Variants in OPCML observed in about 807,000 individuals in gnomAD.
The protein encoded by OPCML is opioid-binding protein/cell adhesion molecule.
A neutral mutation model predicts 37.8 loss-of-function variants in OPCML; 13 were observed. The ratio of observed to expected loss-of-function variants is 0.34; its 90% CI spans 0.22 to 0.55. The LOEUF is 0.55. Among genes scored for constraint, OPCML ranks in the 20% least tolerant of loss-of-function variants. The probability of loss-of-function intolerance (pLI) is 0.91; values close to 1 mark genes in which losing one functional copy is unlikely to be tolerated. For missense variants in OPCML, 341 were observed against 435.6 expected (o/e 0.78, Z 1.93); for synonymous variants, 176 against 168.8 (o/e 1.04, Z -0.33).
intron 4 of OPCML, among the ~76,000 whole-genome samples, chr11:132,442,498 T>C (rs2096039480): frequency 6.6e-6 from 1 of 152,246 alleles, no homozygotes; most frequent in Non-Finnish European, 1.5e-5. Flanking sequence ...TCAAAGATTT[T>C]AGCCTTCCAC....
chr11:132,836,831 G>A (rs1941027346), intron 2 of OPCML, among the ~76,000 whole-genome samples: 2 of 152,150 alleles, frequency 1.3e-5, no homozygotes, highest in South Asian at 4.1e-4. Flanking sequence ...GTGGTGCTGT[G>A]AGTGTCGGGC....
intron 1 of OPCML, among the ~76,000 whole-genome samples, chr11:133,277,079 C>G (rs1024680168): frequency 6.6e-6 from 1 of 152,164 alleles, no homozygotes; most frequent in Non-Finnish European, 1.5e-5. Context: ...CTGCAACATG[C>G]TCAGAATCCT....
intron 1 of OPCML, among the ~76,000 whole-genome samples, chr11:133,390,646 G>T (rs1161537014): frequency 1.3e-5 from 2 of 152,140 alleles, no homozygotes; most frequent in African/African-American, 2.4e-5. Context: ...TCCTGGAAGA[G>T]GTGGGGCCTT....
intron 2 of OPCML, among the ~76,000 whole-genome samples, chr11:132,867,386 G>T (rs1368035676): frequency 6.6e-6 from 1 of 152,134 alleles, no homozygotes; most frequent in Non-Finnish European, 1.5e-5. Flanking sequence ...ACTGGTGACT[G>T]CAGATTACCT....
chr11:132,727,384 T>C (rs1157244200), intron 2 of OPCML, among the ~76,000 whole-genome samples: 2 of 152,112 alleles, frequency 1.3e-5, no homozygotes, highest in African/African-American at 4.8e-5. Flanking sequence ...GCTTCTCCAT[T>C]TATCTGTCCA....
At chr11:133,089,390 A>C (rs1379194271) in intron 1 of OPCML, among the ~76,000 whole-genome samples, 1 of 152,260 alleles carries the variant, frequency 6.6e-6, no homozygotes, top group Non-Finnish European at 1.5e-5. Flanking sequence ...TTGTAAGTAA[A>C]ATTACAAGTA....
At chr11:133,363,251 TTC>T (rs1944462653) in intron 1 of OPCML, among the ~76,000 whole-genome samples, 2 of 152,192 alleles carry the variant, frequency 1.3e-5, no homozygotes, top group Admixed American at 1.3e-4. Flanking sequence ...GAGACAGCGC[TTC>T]CTACACGTGC....
At chr11:133,025,272 T>A in intron 1 of OPCML, 2 of 912,534 alleles carry the variant, frequency 2.2e-6, no homozygotes, top group Non-Finnish European at 2.6e-6. Flanking sequence ...CACCTGTGAG[T>A]TGTATCTCCA....
At chr11:132,794,544 C>T (rs970321420) in intron 2 of OPCML, among the ~76,000 whole-genome samples, 1 of 152,134 alleles carries the variant, frequency 6.6e-6, no homozygotes, top group African/African-American at 2.4e-5. Flanking sequence ...GGCGAGCTTT[C>T]CTGCTTTCCT....
chr11:132,792,693 C>T (rs1191150057), intron 2 of OPCML, among the ~76,000 whole-genome samples: 2 of 152,128 alleles, frequency 1.3e-5, no homozygotes, highest in African/African-American at 2.4e-5. Flanking sequence ...GATGGGCGGC[C>T]CCCACCTGCG....
At chr11:132,632,786 C>T (rs2135698552) in intron 3 of OPCML, among the ~76,000 whole-genome samples, 1 of 152,276 alleles carries the variant, frequency 6.6e-6, no homozygotes, top group Admixed American at 6.5e-5. Flanking sequence ...GCCATCTCCA[C>T]ATCTCTGCGT....
Position 132,937,481 on chromosome 11 carries a change from A to AGTGTGTGTCCCCCTGTTT in OPCML, c.146+5444_146+5445insAAACAGGGGGACACACAC, listed in dbSNP as rs1945415463. Among the ~76,000 whole-genome samples the AGTGTGTGTCCCCCTGTTT allele has an allele frequency of 3.7e-5, 3 of 81,152 alleles. No individual in the cohort carries two copies. In the Admixed American group the frequency reaches 4.4e-4, roughly 12 times the overall value. The allele number at this position is 81,152 out of a possible 152,430, so 53.2% of individuals were successfully genotyped here. On this transcript the variant is annotated intron_variant, in intron 2 of 7. Coordinates refer to ENST00000524381, the MANE Select transcript of OPCML (RefSeq NM_001012393.5). ...CAGCCTGCTTCAAACAGGGGGACAG[A>AGTGTGTGTCCCCCTGTTT]GAGAGAGAGAGAGAGTGTGTGTGTA...
chr11:133,529,091 CAAG>C (rs996632684), intron 1 of OPCML, among the ~76,000 whole-genome samples: 1 of 152,138 alleles, frequency 6.6e-6, no homozygotes, highest in African/African-American at 2.4e-5. Flanking sequence ...GGAGAAAAGA[CAAG>C]AAGAAGACAG....
chr11:132,568,895 T>C (rs2137549910), intron 3 of OPCML, among the ~76,000 whole-genome samples: 1 of 152,348 alleles, frequency 6.6e-6, no homozygotes, highest in South Asian at 2.1e-4. Context: ...TTTTAATTCA[T>C]AGCAGAGTGA....
In OPCML at chr11:133,164,253, C is replaced by A. The variant is rs111487556; in HGVS notation, c.62-221243G>T. Among the ~76,000 whole-genome samples, 515 of 152,288 alleles carry A rather than the reference C, an allele frequency of 3.4e-3. 1 individual carries two copies. Among genetic ancestry groups the A allele is most frequent in the African/African-American group, 0.011 (477 of 41,562 alleles). Reference sequence around the variant, plus strand: ...CAAGTGGCTCTGGGCAAGTAACAGACCCTCTGAGCCTTGTTTCCCAACACA... The same window carrying A: ...CAAGTGGCTCTGGGCAAGTAACAGAACCTCTGAGCCTTGTTTCCCAACACA... On this transcript the variant is annotated intron_variant, in intron 1 of 7. Coordinates refer to ENST00000524381, the MANE Select transcript of OPCML (RefSeq NM_001012393.5).
chr11:132,662,412 C>A (rs368329371), intron 2 of OPCML, among the ~76,000 whole-genome samples: 1,594 of 118,522 alleles, frequency 0.013, no homozygotes, highest in Middle Eastern at 0.038. Flanking sequence ...TTTGAAAATG[C>A]AAAAAAAAAA....
At chr11:133,095,903 GACAA>G (rs1948995072) in intron 1 of OPCML, among the ~76,000 whole-genome samples, 1 of 151,796 alleles carries the variant, frequency 6.6e-6, no homozygotes, top group African/African-American at 2.4e-5. Context: ...GACTTGCTCT[GACAA>G]ACAAAAATTG....
intron 2 of OPCML, among the ~76,000 whole-genome samples, chr11:132,687,394 AT>A (rs1943207425): frequency 1.2e-5 from 1 of 82,428 alleles, no homozygotes; most frequent in African/African-American, 7.9e-5. Flanking sequence ...ATATATATAT[AT>A]ATATATATAT....
intron 1 of OPCML, among the ~76,000 whole-genome samples, chr11:133,523,717 G>T (rs1162512755): frequency 3.3e-5 from 5 of 152,132 alleles, no homozygotes; most frequent in Non-Finnish European, 7.4e-5. Flanking sequence ...CTTGGCCCAT[G>T]CTTTCTTCCT....
Sources: allele counts gnomAD v4.1 joint callset (sites outside exome capture counted in the v4.1 genomes callset), GRCh38; gene constraint gnomAD v4.1.1; transcripts MANE v1.5; gene names NCBI Gene and HGNC (gene_info 2026-07-23, HGNC 2026-07-21).